The following ADAMTS12 variants were observed in gnomAD, a reference collection of about 807,000 sequenced individuals.
ADAMTS12 encodes the protein ADAM metallopeptidase with thrombospondin type 1 motif 12.
In ADAMTS12, 118 loss-of-function variants were observed where a neutral mutation model predicts 167.8. The observed-to-expected ratio is 0.70, with a 90% CI of 0.61 to 0.82. The LOEUF (loss-of-function observed/expected upper bound fraction) is 0.82, where lower values mean the gene tolerates loss of function less well. Among genes scored for constraint, ADAMTS12 ranks in the 40% least tolerant of loss-of-function variants. The pLI is 0.00. For missense variants in ADAMTS12, 1,916 were observed against 1,998.8 expected, an observed-to-expected ratio of 0.96 and a Z score of 0.79; for synonymous variants, 704 against 716.9, an observed-to-expected ratio of 0.98 and a Z score of 0.29.
Position 33,891,795 on chromosome 5 carries a change from A to G in ADAMTS12, c.62T>C (p.Phe21Ser). ...NLSVVAQLLN[F>S]GALCYGRQPQ... ...CTGTCTCCCATAGCAAAGCGCCCCA[A>G]AGTTAAGGAGCTGAGCCACCACGGA... Residue 21 changes from phenylalanine to serine, a missense_variant, in exon 1 of 24, where the codon TTT (phenylalanine) becomes TCT (serine). By Grantham distance (155) the Phe-to-Ser change is radical. Transcript: ENST00000504830. 1.2e-6 allele frequency: 2 copies of G among 1,614,150 alleles called. No individual in the cohort carries two copies. Among genetic ancestry groups the G allele is most frequent in the East Asian group, 4.5e-5 (2 of 44,892 alleles).
intron 16 of ADAMTS12, among the ~76,000 whole-genome samples, chr5:33,610,650 T>A (rs995794504): frequency 6.6e-6 from 1 of 152,194 alleles, no homozygotes; most frequent in Non-Finnish European, 1.5e-5. Context: ...ACGGAGGTAA[T>A]GAGGGAATAA....
intron 20 of ADAMTS12, among the ~76,000 whole-genome samples, chr5:33,550,600 T>C (rs1233803852): frequency 6.6e-6 from 1 of 152,212 alleles, no homozygotes; most frequent in Non-Finnish European, 1.5e-5. Flanking sequence ...CACTGCTTTT[T>C]TTTAATGCCT....
intron 2 of ADAMTS12, among the ~76,000 whole-genome samples, chr5:33,830,667 C>G (rs989814483): frequency 6.6e-6 from 1 of 152,036 alleles, no homozygotes; most frequent in Non-Finnish European, 1.5e-5. Flanking sequence ...TGGCGCACAC[C>G]TGTAGTCTCA....
intron 13 of ADAMTS12, 140 bp downstream of exon 13, chr5:33,630,640 T>C (rs1282672923): frequency 1.1e-6 from 1 of 888,904 alleles, no homozygotes; most frequent in Middle Eastern, 3.1e-4. Flanking sequence ...GGAAGTCTTA[T>C]CTTTTCGTTT....
At chr5:33,735,231 T>C (rs1392680809) in intron 3 of ADAMTS12, among the ~76,000 whole-genome samples, 3 of 152,204 alleles carry the variant, frequency 2.0e-5, no homozygotes, top group Admixed American at 6.5e-5. Context: ...AAAATGCAGA[T>C]ACTGTGCCCC....
At chr5:33,739,272 C>T (rs924958436) in intron 3 of ADAMTS12, among the ~76,000 whole-genome samples, 1 of 152,018 alleles carries the variant, frequency 6.6e-6, no homozygotes, top group Admixed American at 6.6e-5. Flanking sequence ...CACATAAACA[C>T]ACACACATAT....
chr5:33,803,918 A>G (rs1000452036), intron 2 of ADAMTS12, among the ~76,000 whole-genome samples: 1 of 152,182 alleles, frequency 6.6e-6, no homozygotes, highest in African/African-American at 2.4e-5. Context: ...TCAAGGTGAG[A>G]TTCGGGTGGG....
At chr5:33,600,686 TA>T (rs1007363222) in intron 16 of ADAMTS12, among the ~76,000 whole-genome samples, 12 of 152,316 alleles carry the variant, frequency 7.9e-5, no homozygotes, top group African/African-American at 2.6e-4. Flanking sequence ...GTCTCTTTTT[TA>T]AAATAACCAT....
rs993257588 is a variant in ADAMTS12, at chr5:33,630,913, G to A, written c.1889C>T (p.Ala630Val). 2 of 1,611,926 alleles carry A rather than the reference G, an allele frequency of 1.2e-6. No homozygotes were observed. The highest frequency in any genetic ancestry group is 1.1e-5 in the South Asian group (1 of 90,846). ...LYHWFPIFNP[A>V]HPCELYCRPI... is the part of the protein sequence containing the mutation. Reference sequence around the variant, plus strand: ...TCGGCAGTAGAGCTCACAAGGATGTGCTGAAGGGAAAAAAGAAGGCAAAGC... The same window carrying A: ...TCGGCAGTAGAGCTCACAAGGATGTACTGAAGGGAAAAAAGAAGGCAAAGC... Residue 630 changes from alanine (A) to valine (V), a missense_variant and splice_region_variant, in exon 13 of 24, where the codon GCA becomes GTA. Transcript: ENST00000504830.
At chr5:33,582,679 G>C (rs1343290688) in intron 18 of ADAMTS12, among the ~76,000 whole-genome samples, 6 of 152,182 alleles carry the variant, frequency 3.9e-5, no homozygotes, top group Non-Finnish European at 2.9e-5. Flanking sequence ...GTTTTTGTCA[G>C]GCGCAGGAAG....
chr5:33,545,134 A>T (rs1236152504), intron 22 of ADAMTS12, among the ~76,000 whole-genome samples: 1 of 152,254 alleles, frequency 6.6e-6, no homozygotes, highest in Non-Finnish European at 1.5e-5. Flanking sequence ...AATATCCAGA[A>T]TCTGCAAAGA....
intron 19 of ADAMTS12, among the ~76,000 whole-genome samples, chr5:33,564,484 T>A (rs181824701): frequency 3.3e-5 from 5 of 152,308 alleles, no homozygotes; most frequent in Admixed American, 2.0e-4. Flanking sequence ...ATCAAAGACT[T>A]ATGAGCAGGA....
At chr5:33,622,448 G>A (rs1366531392) in intron 14 of ADAMTS12, among the ~76,000 whole-genome samples, 3 of 152,188 alleles carry the variant, frequency 2.0e-5, no homozygotes, top group South Asian at 4.1e-4. Flanking sequence ...GAGGTCAAGA[G>A]ATCAAGACCA....
intron 3 of ADAMTS12, among the ~76,000 whole-genome samples, chr5:33,746,665 T>C (rs1006643575): frequency 6.6e-6 from 1 of 152,228 alleles, no homozygotes; most frequent in Admixed American, 6.5e-5. Flanking sequence ...TGATGTTCTT[T>C]ATGTGTCAAC....
chr5:33,816,806 A>G (rs1289779085), intron 2 of ADAMTS12, among the ~76,000 whole-genome samples: 1 of 152,176 alleles, frequency 6.6e-6, no homozygotes, highest in African/African-American at 2.4e-5. Context: ...AAGAGTGAGT[A>G]GGATTGTTCT....
At chr5:33,848,578 T>C (rs1351325286) in intron 2 of ADAMTS12, among the ~76,000 whole-genome samples, 1 of 152,218 alleles carries the variant, frequency 6.6e-6, no homozygotes, top group Non-Finnish European at 1.5e-5. Context: ...CTCATTGGTA[T>C]TAGTTGCAAA....
intron 19 of ADAMTS12, among the ~76,000 whole-genome samples, chr5:33,562,880 C>G (rs1283040305): frequency 2.0e-5 from 3 of 152,220 alleles, no homozygotes; most frequent in South Asian, 4.1e-4. Context: ...GATCTGCCCT[C>G]CTTGGCCTCC....
chr5:33,572,617 C>T (rs970708056), intron 19 of ADAMTS12, among the ~76,000 whole-genome samples: 5 of 131,858 alleles, frequency 3.8e-5, no homozygotes, highest in Admixed American at 2.4e-4. Flanking sequence ...TAAGAGCTAT[C>T]TATGACAAAC....
intron 5 of ADAMTS12, among the ~76,000 whole-genome samples, chr5:33,679,103 G>A (rs1742019828): frequency 6.6e-6 from 1 of 152,200 alleles, no homozygotes. Context: ...TTGATTGGCT[G>A]CTTTCTCTCC....
Sources: allele counts gnomAD v4.1 joint callset (sites outside exome capture counted in the v4.1 genomes callset), GRCh38; gene constraint gnomAD v4.1.1; transcripts MANE v1.5; gene names NCBI Gene and HGNC (gene_info 2026-07-23, HGNC 2026-07-21).